Variants in HCN4 observed in about 807,000 individuals in gnomAD.
HCN4 encodes hyperpolarization activated cyclic nucleotide gated potassium channel 4.
HCN4 carries 29 observed loss-of-function variants against 76.9 expected under a neutral mutation model. The observed-to-expected ratio is 0.38, with a 90% CI of 0.28 to 0.51. The LOEUF is 0.51. Among genes scored for constraint, HCN4 ranks in the 20% least tolerant of loss-of-function variants. The pLI, the probability that HCN4 is intolerant of heterozygous loss-of-function variation, is 0.90. For synonymous variants in HCN4, 772 were observed against 762.5 expected (o/e 1.01, Z -0.21); for missense variants, 1,416 against 1,715.2 (o/e 0.83, Z 3.08).
intron 2 of HCN4, 118 bp from the exon 3 acceptor site, chr15:73,332,410 C>T (rs1402985252): frequency 9.8e-7 from 1 of 1,024,164 alleles, no homozygotes; most frequent in African/African-American, 1.6e-5. Context: ...CTGCAGGGCG[C>T]CCACTCAGTG....
chr15:73,353,491 C>T (rs1595832525), intron 1 of HCN4, among the ~76,000 whole-genome samples: 2 of 152,310 alleles, frequency 1.3e-5, no homozygotes, highest in South Asian at 4.1e-4. Context: ...CTTAACATCA[C>T]ACGCATGTCA....
intron 3 of HCN4, among the ~76,000 whole-genome samples, chr15:73,331,101 C>T (rs1004761941): frequency 6.6e-6 from 1 of 152,162 alleles, no homozygotes; most frequent in Non-Finnish European, 1.5e-5. Context: ...TGGGAGGAAG[C>T]CTGGGAGAGG....
intron 1 of HCN4, among the ~76,000 whole-genome samples, chr15:73,350,289 C>T (rs1595831477): frequency 2.0e-5 from 3 of 152,320 alleles, no homozygotes; most frequent in South Asian, 4.2e-4. Flanking sequence ...CTCCTGGCAC[C>T]GTCATGAAAT....
intron 1 of HCN4, among the ~76,000 whole-genome samples, chr15:73,346,707 C>T (rs925375457): frequency 7.9e-5 from 12 of 152,228 alleles, no homozygotes; most frequent in East Asian, 3.9e-4. Flanking sequence ...CCCAGGTATC[C>T]GTAAAAAGCC....
At chr15:73,333,884 T>C (rs1225897656) in intron 2 of HCN4, among the ~76,000 whole-genome samples, 2 of 152,222 alleles carry the variant, frequency 1.3e-5, no homozygotes, top group African/African-American at 2.4e-5. Context: ...AAGATCACGG[T>C]GGCAGTGGAA....
rs779963031 is a variant in HCN4 at position 73,323,530 on chromosome 15, A to G, written c.2563T>C (p.Ser855Pro). Reference protein sequence around the residue: ...SPSQVDTPSSSSFHIQQLAGF... With the variant: ...SPSQVDTPSSPSFHIQQLAGF... The stretch of plus-strand genomic sequence containing the variant: ...GCCAGCTGTTGGATGTGGAAGGAGG[A>G]TGAAGACGGTGTGTCCACCTGGGAC... The change falls in exon 8 of 8, where the codon TCC becomes CCC. Residue 855 changes from serine (S) to proline (P), a missense_variant. By Grantham distance (74) the Ser-to-Pro change is moderately conservative. Around this residue, in one of 6 missense-constraint regions of HCN4, gnomAD observed 633 missense variants for 579.8 expected, o/e 1.09. Coordinates refer to ENST00000261917, the MANE Select transcript of HCN4 (RefSeq NM_005477.3). 10 of 1,601,034 alleles carry G rather than the reference A, an allele frequency of 6.2e-6. No individual in the cohort carries two copies. Among genetic ancestry groups the G allele is most frequent in the South Asian group, 3.3e-5 (3 of 91,084 alleles).
At chr15:73,344,234 C>T (rs1434658145) in intron 1 of HCN4, among the ~76,000 whole-genome samples, 1 of 152,204 alleles carries the variant, frequency 6.6e-6, no homozygotes, top group Non-Finnish European at 1.5e-5. Flanking sequence ...TTGAGATGGG[C>T]TGTCAGGGAG....
chr15:73,322,884 C>T lies in HCN4; in HGVS notation c.3209G>A (p.Gly1070Asp), dbSNP rs772839442. ...GCGGCCGGGGGTGAGCGGGGGTGTG[C>T]CCCGGCGCTGGGGGACCTGGGGTGG... The part of the protein sequence containing the change: ...PPPPQVPQRR[G>D]TPPLTPGRLT... The change falls in exon 8 of 8, where the codon GGC (glycine) becomes GAC (aspartate). Residue 1070 changes from glycine (G) to aspartate (D), a missense_variant. Physicochemically the swap from Gly to Asp is moderately conservative, Grantham distance 94 (BLOSUM62 -1). Transcript: ENST00000261917. 77 of 1,460,820 alleles carry T rather than the reference C, an allele frequency of 5.3e-5. No individual in the cohort carries two copies. Among genetic ancestry groups the T allele is most frequent in the Non-Finnish European group, 6.5e-5 (72 of 1,107,954 alleles). 90.5% of individuals were successfully genotyped at this position (1,460,820 alleles called of 1,614,324 possible). A position where few individuals can be genotyped will look rare whatever the true frequency, so the allele number is the denominator to read the frequency against.
rs772844357 is a variant in HCN4 at position 73,331,755 on chromosome 15, CT to C, written c.1371+375del. ...CCACTGCACCCAGCCTCAGGCTCAG[CT>C]TTTAAGGACTTGGCTTCTAAGGGGC... is the stretch of plus-strand genomic sequence containing the variant. On this transcript the variant is annotated intron_variant, in intron 3 of 7. Transcript: ENST00000261917. Among the ~76,000 whole-genome samples the C allele has an allele frequency of 4.6e-5, 7 of 152,290 alleles. No homozygotes were observed. The East Asian group carries it at 9.6e-4, about 21-fold the overall frequency.
Position 73,325,914 on chromosome 15 carries a change from A to G in HCN4, c.1591-470T>C, listed in dbSNP as rs1328933492. On this transcript the variant is annotated intron_variant, in intron 4 of 7. Coordinates refer to ENST00000261917, the MANE Select transcript of HCN4 (RefSeq NM_005477.3). The surrounding 1 kb of genome is among the most constrained non-coding windows in gnomAD (Gnocchi z 7.4). ...GATCAGAACGCTCAGAGGCAGAAGC[A>G]AGGATGCCTGGCTGCTCGATGCTAT... is the stretch of plus-strand genomic sequence containing the variant. 2.0e-5 allele frequency among the ~76,000 whole-genome samples: 3 copies of G among 152,282 alleles called. No individual in the cohort carries two copies. Among genetic ancestry groups the G allele is most frequent in the Middle Eastern group, 3.4e-3 (1 of 294 alleles).
In HCN4 at chr15:73,322,728, G is replaced by A. The variant is rs1419584033; in HGVS notation, c.3365C>T (p.Ala1122Val). 1 of 1,564,128 alleles carries A rather than the reference G, an allele frequency of 6.4e-7. No homozygotes were observed. Reference protein sequence around the residue: ...SMAAFPLFPRAGGGSGGSGSS... With the variant: ...SMAAFPLFPRVGGGSGGSGSS... ...CCCACTGCCCCCGCTGCCACCCCCA[G>A]CCCTGGGGAAGAGCGGGAAGGCAGC... is the stretch of plus-strand genomic sequence containing the variant. The change falls in exon 8 of 8, where the codon GCT (alanine) becomes GTT (valine). Residue 1122 changes from alanine (A) to valine (V), a missense_variant. Ala to Val is a moderately conservative substitution (Grantham distance 64, BLOSUM62 0). Transcript: ENST00000261917.
chr15:73,337,491 C>T (rs1048564987), intron 2 of HCN4, among the ~76,000 whole-genome samples: 3 of 152,220 alleles, frequency 2.0e-5, no homozygotes, highest in South Asian at 2.1e-4. Flanking sequence ...GGACAGATCA[C>T]GCTGGGCCTT....
At chr15:73,334,537 T>G (rs1016864847) in intron 2 of HCN4, among the ~76,000 whole-genome samples, 7 of 151,976 alleles carry the variant, frequency 4.6e-5, no homozygotes, top group Non-Finnish European at 7.4e-5. Context: ...TTCTATGTCT[T>G]GGTTGACCAG....
intron 1 of HCN4, among the ~76,000 whole-genome samples, chr15:73,358,576 G>T (rs2043091445): frequency 1.3e-5 from 2 of 152,294 alleles, no homozygotes; most frequent in South Asian, 2.1e-4. Flanking sequence ...TAGGACCAGG[G>T]TGCACACATA....
In HCN4 at chr15:73,322,669, A is replaced by G; in HGVS notation, c.3424T>C (p.Tyr1142His). ...ACGTGCTGGCCGGGGATGGCACCAT[A>G]GGGCCTCCCAGGGGGACCGAGGCCC... The part of the protein sequence containing the change: ...SGGLGPPGRP[Y>H]GAIPGQHVTL... Residue 1142 changes from tyrosine to histidine, a missense_variant, in exon 8 of 8, where the codon TAT becomes CAT. Coordinates refer to ENST00000261917, the MANE Select transcript of HCN4 (RefSeq NM_005477.3). The G allele has an allele frequency of 6.2e-7, 1 of 1,602,160 alleles. No homozygotes were observed. Among genetic ancestry groups the G allele is most frequent in the Non-Finnish European group, 8.5e-7 (1 of 1,175,138 alleles).
chr15:73,320,020 A>C lies in HCN4; in HGVS notation c.*2461T>G, dbSNP rs539317863. On this transcript the variant is annotated 3_prime_UTR_variant, in exon 8 of 8. Transcript: ENST00000261917. Reference sequence around the variant, plus strand: ...CTCTGCAGAGTGGCCAGGTTGGGTCAGAGCTATTATAAAATGCATGTGTGT... The same window carrying C: ...CTCTGCAGAGTGGCCAGGTTGGGTCCGAGCTATTATAAAATGCATGTGTGT... 1 of 152,376 alleles carries C rather than the reference A, an allele frequency of 6.6e-6. No homozygotes were observed. The highest frequency in any genetic ancestry group is 2.4e-5 in the African/African-American group (1 of 41,550). 9.4% of individuals were successfully genotyped at this position (152,376 alleles called of 1,614,324 possible).
In HCN4 at chr15:73,343,483, C is replaced by T; in HGVS notation, c.1111G>A (p.Ala371Thr). 1 of 1,614,172 alleles carries T rather than the reference C, an allele frequency of 6.2e-7. No homozygotes were observed. The highest frequency in any genetic ancestry group is 8.5e-7 in the Non-Finnish European group (1 of 1,180,032). Residue 371 changes from alanine to threonine, a missense_variant, in exon 2 of 8, where the codon GCC becomes ACC. Ala to Thr is a moderately conservative substitution (Grantham distance 58). Coordinates refer to ENST00000261917, the MANE Select transcript of HCN4 (RefSeq NM_005477.3). This position sits in a 1 kb window ranked among gnomAD's most constrained non-coding sequence, Gnocchi z 5.7. ...AAGCGGACAATGCGCAGGGCCCGGG[C>T]AGTCTTGTAGACCTCCGAGTCGATG... ...TRIDSEVYKT[A>T]RALRIVRFTK...
chr15:73,340,525 A>G (rs1035738058), intron 2 of HCN4, among the ~76,000 whole-genome samples: 1 of 152,074 alleles, frequency 6.6e-6, no homozygotes, highest in African/African-American at 2.4e-5. Context: ...ATGAGGGGAA[A>G]CACGCCTCCA....
chr15:73,324,239 T>G lies in HCN4; in HGVS notation c.1993A>C (p.Thr665Pro). 1 of 1,613,710 alleles carries G rather than the reference T, an allele frequency of 6.2e-7. No individual in the cohort carries two copies. The highest frequency in any genetic ancestry group is 8.5e-7 in the Non-Finnish European group (1 of 1,179,846). ...ACGCTGGCTGTGCGCCGGCCCCGGG[T>G]CAGCAGGCAGATCTCTGCCAGAGCA... is the stretch of plus-strand genomic sequence containing the variant. The part of the protein sequence containing the change: ...GSYFGEICLL[T>P]RGRRTASVRA... Residue 665 changes from threonine (T) to proline (P), a missense_variant, in exon 7 of 8, where the codon ACC (threonine) becomes CCC (proline). Physicochemically the swap from Thr to Pro is conservative, Grantham distance 38 (BLOSUM62 -1). Transcript: ENST00000261917.
Sources: allele counts gnomAD v4.1 joint callset (sites outside exome capture counted in the v4.1 genomes callset), GRCh38; gene constraint gnomAD v4.1.1; regional missense constraint gnomAD v4.1.1; non-coding constraint Gnocchi (gnomAD v3.1); transcripts MANE v1.5; gene names NCBI Gene and HGNC (gene_info 2026-07-23, HGNC 2026-07-21).